The following CARS1 variants were observed in gnomAD, a reference collection of about 807,000 sequenced individuals.
CARS1 encodes the protein cysteine--tRNA ligase, cytoplasmic.
CARS1 carries 48 observed loss-of-function variants against 106.2 expected under a neutral mutation model. The observed-to-expected ratio is 0.45, with a 90% CI of 0.36 to 0.57. The LOEUF is 0.57. Among genes scored for constraint, CARS1 ranks in the 20% least tolerant of loss-of-function variants. The pLI is 0.00. For missense variants in CARS1, 968 were observed against 1,057.2 expected (o/e 0.92, Z 1.17); for synonymous variants, 409 against 403.4 (o/e 1.01, Z -0.17).
rs181719079 is a variant in CARS1, at chr11:3,028,471, G to A, written c.1031+525C>T. On this transcript the variant is annotated intron_variant, in intron 9 of 22. Coordinates refer to ENST00000380525, the MANE Select transcript of CARS1 (RefSeq NM_001014437.3). This position sits in a 1 kb window ranked among gnomAD's most constrained non-coding sequence, Gnocchi z 4.4. ...CCTACACACTACAGACAGATAACCGGGTTCCTGTCTGCATTTCCATTTGTT... is the reference window on the plus strand; with the variant it reads ...CCTACACACTACAGACAGATAACCGAGTTCCTGTCTGCATTTCCATTTGTT... The A allele has an allele frequency of 4.8e-6, 1 of 206,970 alleles. No homozygotes were observed. The highest frequency in any genetic ancestry group is 5.8e-5 in the Admixed American group (1 of 17,276). 12.8% of individuals were successfully genotyped at this position (206,970 alleles called of 1,614,324 possible).
chr11:3,057,157 G>C (rs555002436), intron 1 of CARS1, among the ~76,000 whole-genome samples, 186 bp downstream of exon 1: 1 of 151,670 alleles, frequency 6.6e-6, no homozygotes, highest in Non-Finnish European at 1.5e-5. Context: ...CCGTCCCTCA[G>C]ACCCCGCGCA....
chr11:3,028,667 G>A lies in CARS1; in HGVS notation c.1031+329C>T, dbSNP rs1261060362. 8 of 373,018 alleles carry A rather than the reference G, an allele frequency of 2.1e-5. No homozygotes were observed. The highest frequency in any genetic ancestry group is 1.4e-3 in the Middle Eastern group (2 of 1,438). The allele number at this position is 373,018 out of a possible 1,614,324, so 23.1% of individuals were successfully genotyped here. A position where few individuals can be genotyped will look rare whatever the true frequency, so the allele number is the denominator to read the frequency against. ...GGACTAGCACTCTCAAAATGTCTACGCAATGGCACTGATGTCTGTGAAGGC... is the reference window on the plus strand; with the variant it reads ...GGACTAGCACTCTCAAAATGTCTACACAATGGCACTGATGTCTGTGAAGGC... On this transcript the variant is annotated intron_variant, in intron 9 of 22. Transcript: ENST00000380525. The surrounding 1 kb of genome is among the most constrained non-coding windows in gnomAD (Gnocchi z 4.4).
At position 3,055,604 on chromosome 11, in the gene CARS1, C is replaced by T. The variant is rs143808783; in HGVS notation, c.25+1739G>A. Among the ~76,000 whole-genome samples, 166 of 152,244 alleles carry T rather than the reference C, an allele frequency of 1.1e-3. 2 individuals are homozygous for T. The highest frequency in any genetic ancestry group is 6.8e-3 in the Middle Eastern group (2 of 294). On this transcript the variant is annotated intron_variant, in intron 1 of 22. Transcript: ENST00000380525. ...CAATCTGCCTGCTGCCCTGACAGCC[C>T]GGAGAGGGCAATCCCAACCTATATG...
At chr11:3,036,782 G>A (rs1459930355) in intron 7 of CARS1, among the ~76,000 whole-genome samples, 3 of 152,100 alleles carry the variant, frequency 2.0e-5, no homozygotes, top group Non-Finnish European at 2.9e-5. Flanking sequence ...ACGTGTCCAC[G>A]GGCAGGTGAA....
intron 7 of CARS1, among the ~76,000 whole-genome samples, chr11:3,036,501 T>G (rs144631743): frequency 9.5e-4 from 145 of 152,120 alleles, no homozygotes; most frequent in African/African-American, 3.4e-3. Flanking sequence ...TCACACCTAC[T>G]GGGATGAAAA....
chr11:3,019,370 A>G lies in CARS1; in HGVS notation c.1267-103T>C. 2.4e-6 allele frequency: 3 copies of G among 1,236,260 alleles called. No individual in the cohort carries two copies. Among genetic ancestry groups the G allele is most frequent in the Non-Finnish European group, 3.1e-6 (3 of 958,354 alleles). 76.6% of individuals were successfully genotyped at this position (1,236,260 alleles called of 1,614,324 possible). On this transcript the variant is annotated intron_variant, in intron 11 of 22. Coordinates refer to ENST00000380525, the MANE Select transcript of CARS1 (RefSeq NM_001014437.3). The surrounding 1 kb of genome is among the most constrained non-coding windows in gnomAD (Gnocchi z 6.2). Reference sequence around the variant, plus strand: ...ATGGCCCTTACATCCTCTGAACTTTATTGGAACAAGCGTTAAATCCCGCAC... The same window carrying G: ...ATGGCCCTTACATCCTCTGAACTTTGTTGGAACAAGCGTTAAATCCCGCAC...
chr11:3,036,116 G>A (rs77184150), intron 7 of CARS1, among the ~76,000 whole-genome samples: 2 of 152,206 alleles, frequency 1.3e-5, no homozygotes, highest in African/African-American at 4.8e-5. Flanking sequence ...TTTTCCTGGT[G>A]GGGGAGAGTG....
intron 18 of CARS1, among the ~76,000 whole-genome samples, chr11:3,010,866 T>C (rs1850380436): frequency 6.6e-6 from 1 of 152,224 alleles, no homozygotes; most frequent in Non-Finnish European, 1.5e-5. Flanking sequence ...CTGCTCTGTC[T>C]TCAGCATGCC....
rs1412980286 is a variant in CARS1, at chr11:3,034,224, TTTTGTTTTG to T, written c.801+3817_801+3825del. ...TTTTTGTTTTCTGTTTTTTGTTTTG[TTTTGTTTTG>T]TTTTTTTGAGACAGTCTCACTCTGT... On this transcript the variant is annotated intron_variant, in intron 7 of 22. Transcript: ENST00000380525. The surrounding 1 kb of genome is among the most constrained non-coding windows in gnomAD (Gnocchi z 6.3). 1.1e-4 allele frequency among the ~76,000 whole-genome samples: 14 copies of T among 130,738 alleles called. No homozygotes were observed. The highest frequency in any genetic ancestry group is 3.2e-4 in the East Asian group (1 of 3,090). The allele number at this position is 130,738 out of a possible 152,430, so 85.8% of individuals were successfully genotyped here.
chr11:3,029,589 T>G lies in CARS1; in HGVS notation c.802-146A>C. 2.6e-6 allele frequency: 2 copies of G among 764,196 alleles called. No individual in the cohort carries two copies. Among genetic ancestry groups the G allele is most frequent in the Non-Finnish European group, 4.1e-6 (2 of 483,786 alleles). 47.3% of individuals were successfully genotyped at this position (764,196 alleles called of 1,614,324 possible). On this transcript the variant is annotated intron_variant, in intron 7 of 22. Coordinates refer to ENST00000380525, the MANE Select transcript of CARS1 (RefSeq NM_001014437.3). This position sits in a 1 kb window ranked among gnomAD's most constrained non-coding sequence, Gnocchi z 5.9. ...GAGCCACCGTCTCCTAGGGAGACTGTGATGCTTACACAACTGGCTCGGCAG... is the reference window on the plus strand; with the variant it reads ...GAGCCACCGTCTCCTAGGGAGACTGGGATGCTTACACAACTGGCTCGGCAG...
chr11:3,048,681 C>A lies in CARS1; in HGVS notation c.26-680G>T, dbSNP rs971418984. 6.6e-6 allele frequency among the ~76,000 whole-genome samples: 1 copy of A among 152,302 alleles called. No individual in the cohort carries two copies. The highest frequency in any genetic ancestry group is 3.4e-3 in the Middle Eastern group (1 of 294). On this transcript the variant is annotated intron_variant, in intron 1 of 22. Coordinates refer to ENST00000380525, the MANE Select transcript of CARS1 (RefSeq NM_001014437.3). This position sits in a 1 kb window ranked among gnomAD's most constrained non-coding sequence, Gnocchi z 5.1. ...ATTGACAATGTGTGCCATTTACACC[C>A]CTGCACCAAGAGACAGCTGGACTCT...
intron 7 of CARS1, among the ~76,000 whole-genome samples, chr11:3,032,679 T>G (rs1853017433): frequency 1.3e-5 from 2 of 151,910 alleles, no homozygotes; most frequent in African/African-American, 4.8e-5. Flanking sequence ...GGATTCCAAG[T>G]ATGTGACATT....
Position 3,053,380 on chromosome 11 carries a change from G to A in CARS1, c.25+3963C>T, listed in dbSNP as rs189044379. Among the ~76,000 whole-genome samples the A allele has an allele frequency of 4.5e-3, 684 of 152,056 alleles. 3 individuals carry two copies. Among genetic ancestry groups the A allele is most frequent in the Non-Finnish European group, 8.0e-3 (541 of 67,952 alleles). On this transcript the variant is annotated intron_variant, in intron 1 of 22. Coordinates refer to ENST00000380525, the MANE Select transcript of CARS1 (RefSeq NM_001014437.3). The surrounding 1 kb of genome is among the most constrained non-coding windows in gnomAD (Gnocchi z 6.6). ...CGAGTAGCTGGGATTACAGGTGCCC[G>A]CCACCATGCCCAGCTAATTTTTGTA...
intron 7 of CARS1, among the ~76,000 whole-genome samples, chr11:3,033,917 G>C (rs932166334): frequency 6.6e-6 from 1 of 152,136 alleles, no homozygotes; most frequent in Non-Finnish European, 1.5e-5. Flanking sequence ...CTGCAGGACT[G>C]GGCAATTTTT....
Position 3,017,795 on chromosome 11 carries a change from T to C in CARS1, c.1727+62A>G, listed in dbSNP as rs1460546680. The C allele has an allele frequency of 2.7e-6, 3 of 1,097,836 alleles. No individual in the cohort carries two copies. Among genetic ancestry groups the C allele is most frequent in the East Asian group, 4.7e-5 (2 of 42,494 alleles). The allele number at this position is 1,097,836 out of a possible 1,614,324, so 68.0% of individuals were successfully genotyped here. On this transcript the variant is annotated intron_variant, in intron 15 of 22. Transcript: ENST00000380525. The surrounding 1 kb of genome is among the most constrained non-coding windows in gnomAD (Gnocchi z 4.9). ...AGTCCAGGACACATGGTGGCCAAGA[T>C]GCGAGGCTAGGCATAGAACATGGGC...
At chr11:3,007,303 G>C (rs537728986) in intron 18 of CARS1, 80 of 368,490 alleles carry the variant, frequency 2.2e-4, no homozygotes, top group Middle Eastern at 7.7e-4. Context: ...GACAGCAGGG[G>C]TGGGAGGGTC....
At chr11:3,055,058 C>T in intron 1 of CARS1, 1 of 670,494 alleles carries the variant, frequency 1.5e-6, no homozygotes, top group South Asian at 1.6e-5. Flanking sequence ...CCAGTGAGAT[C>T]AGGAAAGAGA....
intron 12 of CARS1, 37 bp from the exon 13 acceptor site, chr11:3,018,786 T>C (rs1590372488): frequency 6.3e-7 from 1 of 1,599,772 alleles, no homozygotes; most frequent in Non-Finnish European, 8.5e-7. Context: ...AACAGTCATG[T>C]GTTACTGGGG....
In CARS1 at chr11:3,039,149, G is replaced by T; in HGVS notation, c.651+45C>A. The stretch of plus-strand genomic sequence containing the variant: ...AGTAGCCTACAAAGGACCGAGAACA[G>T]AAAGCAAAGGGCTCGGTTTCTAGAG... On this transcript the variant is annotated intron_variant, in intron 6 of 22. Transcript: ENST00000380525. This position sits in a 1 kb window ranked among gnomAD's most constrained non-coding sequence, Gnocchi z 5.6. 1 of 1,265,500 alleles carries T rather than the reference G, an allele frequency of 7.9e-7. No homozygotes were observed. Among genetic ancestry groups the T allele is most frequent in the Non-Finnish European group, 1.2e-6 (1 of 865,192 alleles). 78.4% of individuals were successfully genotyped at this position (1,265,500 alleles called of 1,614,324 possible).
Sources: allele counts gnomAD v4.1 joint callset (sites outside exome capture counted in the v4.1 genomes callset), GRCh38; gene constraint gnomAD v4.1.1; non-coding constraint Gnocchi (gnomAD v3.1); transcripts MANE v1.5; gene names NCBI Gene and HGNC (gene_info 2026-07-23, HGNC 2026-07-21).